Variants in TTLL8 observed in about 807,000 individuals in gnomAD.
TTLL8 encodes the protein tubulin tyrosine ligase like 8, also known as protein monoglycylase TTLL8.
In TTLL8, 65 loss-of-function variants were observed where a neutral mutation model predicts 77.8. The ratio of observed to expected loss-of-function variants is 0.84; its 90% CI spans 0.68 to 1.03. The LOEUF (loss-of-function observed/expected upper bound fraction) is 1.03, where lower values mean the gene tolerates loss of function less well. Among genes scored for constraint, TTLL8 ranks in the 50% least tolerant of loss-of-function variants. The pLI, the probability that TTLL8 is intolerant of heterozygous loss-of-function variation, is 0.00. For missense variants in TTLL8, 910 were observed against 1,004.5 expected (o/e 0.91, Z 1.27); for synonymous variants, 402 against 422.8 (o/e 0.95, Z 0.60).
At chr22:50,054,311 C>T (rs1228040622) in intron 1 of TTLL8, among the ~76,000 whole-genome samples, 3 of 152,122 alleles carry the variant, frequency 2.0e-5, no homozygotes, top group African/African-American at 7.2e-5. Flanking sequence ...TTACAGAACA[C>T]GAGAGCCTTC....
intron 3 of TTLL8, among the ~76,000 whole-genome samples, chr22:50,047,791 A>G (rs1343769966): frequency 6.6e-6 from 1 of 152,172 alleles, no homozygotes; most frequent in African/African-American, 2.4e-5. Context: ...TAACAATGGC[A>G]TGTGTTAAGT....
chr22:50,056,618 C>T (rs1267247637), upstream of TTLL8, among the ~76,000 whole-genome samples: 1 of 152,172 alleles, frequency 6.6e-6, no homozygotes, highest in Non-Finnish European at 1.5e-5. This position sits in a 1 kb window ranked among gnomAD's most constrained non-coding sequence, Gnocchi z 4.1. Context: ...CACACCCACA[C>T]GTTTAATTTC....
At chr22:50,043,401 C>T (rs111785483) in intron 6 of TTLL8, among the ~76,000 whole-genome samples, 39 of 69,802 alleles carry the variant, frequency 5.6e-4, no homozygotes, top group Non-Finnish European at 1.1e-3. Context: ...GCCGAGACGT[C>T]CTTCGGTAGA....
intron 6 of TTLL8, among the ~76,000 whole-genome samples, chr22:50,043,964 C>G (rs1484954417): frequency 6.6e-6 from 1 of 152,074 alleles, no homozygotes; most frequent in Non-Finnish European, 1.5e-5. Flanking sequence ...ATTGTCCAAA[C>G]CTGTAGAATG....
At chr22:50,039,726 CACTG>C (rs1418543180) in intron 8 of TTLL8, among the ~76,000 whole-genome samples, 1 of 151,268 alleles carries the variant, frequency 6.6e-6, no homozygotes, top group Admixed American at 6.6e-5. Flanking sequence ...GGACAGACCT[CACTG>C]ACCCCACGTG....
At chr22:50,037,350 G>A (rs1349984687) in intron 8 of TTLL8, among the ~76,000 whole-genome samples, 1 of 152,010 alleles carries the variant, frequency 6.6e-6, no homozygotes, top group African/African-American at 2.4e-5. Flanking sequence ...TGGGACTACA[G>A]GCACGCACCA....
upstream of TTLL8, among the ~76,000 whole-genome samples, chr22:50,054,799 T>C (rs1238173851): frequency 6.6e-6 from 1 of 152,254 alleles, no homozygotes; most frequent in African/African-American, 2.4e-5. Context: ...CACTCATGCC[T>C]GTAATCCCAG....
At position 50,041,889 on chromosome 22, in the gene TTLL8, C is replaced by A; in HGVS notation, c.644-82G>T. 1 of 1,216,128 alleles carries A rather than the reference C, an allele frequency of 8.2e-7. No homozygotes were observed. The highest frequency in any genetic ancestry group is 1.1e-6 in the Non-Finnish European group (1 of 935,316). 75.3% of individuals were successfully genotyped at this position (1,216,128 alleles called of 1,614,324 possible). ...CGCCTCGAGGGGTGATGTCTAAAGTCATGGACAAAGGCTGCTCCACTCCCT... is the reference window on the plus strand; with the variant it reads ...CGCCTCGAGGGGTGATGTCTAAAGTAATGGACAAAGGCTGCTCCACTCCCT... On this transcript the variant is annotated intron_variant, in intron 6 of 13. Coordinates refer to ENST00000266182, the Ensembl canonical transcript of TTLL8. The surrounding 1 kb of genome is among the most constrained non-coding windows in gnomAD (Gnocchi z 4.3).
At chr22:50,033,241 C>T (rs765915957) in exon 10 of TTLL8, 22 of 1,357,838 alleles carry the variant, frequency 1.6e-5, no homozygotes, top group Middle Eastern at 2.1e-4. Flanking sequence ...AGTTGAGAAC[C>T]GCAAGTAACT....
chr22:50,049,945 T>G, intron 2 of TTLL8, 164 bp downstream of exon 4: 1 of 717,358 alleles, frequency 1.4e-6, no homozygotes, highest in Non-Finnish European at 1.7e-6. Flanking sequence ...CACGACCGCC[T>G]GGGGCAGGGA....
chr22:50,031,226 C>T (rs968677408), intron 11 of TTLL8, among the ~76,000 whole-genome samples: 8 of 152,190 alleles, frequency 5.3e-5, no homozygotes, highest in African/African-American at 1.7e-4. Flanking sequence ...GCATTGGCCA[C>T]GCTTCCCAAT....
At chr22:50,028,638 G>A (rs1199845924) in intron 12 of TTLL8, among the ~76,000 whole-genome samples, 2 of 58,308 alleles carry the variant, frequency 3.4e-5, no homozygotes, top group South Asian at 7.6e-4. Context: ...ACATACCCTC[G>A]TAAAGACCCC....
chr22:50,030,599 C>T (rs747352288), exon 12 of TTLL8: 1 of 1,297,592 alleles, frequency 7.7e-7, no homozygotes, highest in Non-Finnish European at 1.0e-6. Flanking sequence ...AGGGGCAGGC[C>T]GGGAGCTCCA....
intron 12 of TTLL8, chr22:50,027,698 G>A (rs781474535): frequency 1.0e-5 from 10 of 985,282 alleles, no homozygotes; most frequent in Admixed American, 6.1e-5. Context: ...CCCTGTCGCC[G>A]CAGGCCTTTT....
At position 50,049,468 on chromosome 22, in the gene TTLL8, G is replaced by A; in HGVS notation, c.191-146C>T. On this transcript the variant is annotated intron_variant, in intron 2 of 13. Transcript: ENST00000266182. ...GGGGCCTTCCCCTGGTGGAGCAGGA[G>A]CCTCTGTGGGTCCTGAGTCAGGCTT... 7.3e-6 allele frequency: 6 copies of A among 822,432 alleles called. No individual in the cohort carries two copies. The South Asian group carries it at 9.0e-5, about 12-fold the overall frequency. The allele number at this position is 822,432 out of a possible 1,614,324, so 50.9% of individuals were successfully genotyped here.
chr22:50,057,034 G>C, upstream of TTLL8: 1 of 1,204,260 alleles, frequency 8.3e-7, no homozygotes, highest in Non-Finnish European at 1.1e-6. Flanking sequence ...TCTGGGGATG[G>C]AGAGGGTTCT....
At chr22:50,046,955 T>C in intron 4 of TTLL8, 1 of 504,596 alleles carries the variant, frequency 2.0e-6, no homozygotes, top group African/African-American at 2.1e-5. Flanking sequence ...GGGCCCCGGA[T>C]TCACCCAGAG....
chr22:50,057,446 GGTC>G (rs2061482715), upstream of TTLL8, among the ~76,000 whole-genome samples: 1 of 115,918 alleles, frequency 8.6e-6, no homozygotes, highest in Non-Finnish European at 1.9e-5. Context: ...CTGGGTTGGG[GGTC>G]AGGTCTGGGT....
intron 12 of TTLL8, among the ~76,000 whole-genome samples, chr22:50,029,831 CGG>C (rs2146641793): frequency 6.6e-6 from 1 of 152,306 alleles, no homozygotes; most frequent in South Asian, 2.1e-4. Flanking sequence ...GACCCCCACG[CGG>C]GAGGAACGGC....
Sources: allele counts gnomAD v4.1 joint callset (sites outside exome capture counted in the v4.1 genomes callset), GRCh38; gene constraint gnomAD v4.1.1; non-coding constraint Gnocchi (gnomAD v3.1); transcripts MANE v1.5; gene names NCBI Gene and HGNC (gene_info 2026-07-23, HGNC 2026-07-21).